The following EHMT1 variants were observed in gnomAD, a reference collection of about 807,000 sequenced individuals.
EHMT1 encodes the protein euchromatic histone lysine methyltransferase 1.
In EHMT1, 15 loss-of-function variants were observed where a neutral mutation model predicts 147.2. That is an observed-to-expected ratio of 0.10 (90% CI 0.07 to 0.16). The LOEUF (loss-of-function observed/expected upper bound fraction) is 0.16. Among genes scored for constraint, EHMT1 ranks in the 10% least tolerant of loss-of-function variants. EHMT1 has a pLI of 1.00. For synonymous variants in EHMT1, 795 were observed against 709.6 expected (o/e 1.12, Z -1.91); for missense variants, 1,587 against 1,772.4 (o/e 0.90, Z 1.88).
chr9:137,741,837 A>G (rs1948111357), intron 4 of EHMT1, among the ~76,000 whole-genome samples: 1 of 152,208 alleles, frequency 6.6e-6, no homozygotes, highest in South Asian at 2.1e-4. Flanking sequence ...ATTAAAATCC[A>G]TGTTCAAAAG....
intron 4 of EHMT1, among the ~76,000 whole-genome samples, chr9:137,733,181 C>T (rs1249762357): frequency 6.6e-6 from 1 of 152,206 alleles, no homozygotes; most frequent in African/African-American, 2.4e-5. Context: ...TGAGAACATG[C>T]GTTTATGTGA....
At chr9:137,704,447 A>G (rs1944085048) in intron 1 of EHMT1, among the ~76,000 whole-genome samples, 1 of 152,186 alleles carries the variant, frequency 6.6e-6, no homozygotes, top group African/African-American at 2.4e-5. Flanking sequence ...ATTTTAAGAA[A>G]CATGGACATT....
chr9:137,740,019 C>G (rs576317889), intron 4 of EHMT1, among the ~76,000 whole-genome samples: 1 of 152,162 alleles, frequency 6.6e-6, no homozygotes, highest in Non-Finnish European at 1.5e-5. Flanking sequence ...GTGGTGACCA[C>G]GCAGACTGCT....
At chr9:137,804,940 C>T (rs754785010) in intron 18 of EHMT1, among the ~76,000 whole-genome samples, 22 of 152,074 alleles carry the variant, frequency 1.4e-4, no homozygotes, top group Non-Finnish European at 2.9e-4. Context: ...GCATGTCTGT[C>T]AGTCATCCAT....
At chr9:137,670,113 G>A (rs1019178332) in intron 1 of EHMT1, among the ~76,000 whole-genome samples, 1 of 152,182 alleles carries the variant, frequency 6.6e-6, no homozygotes. Context: ...GCCTGCCTCA[G>A]CCTCCCAAAG....
At chr9:137,765,842 G>A (rs975016210) in intron 10 of EHMT1, among the ~76,000 whole-genome samples, 3 of 151,940 alleles carry the variant, frequency 2.0e-5, no homozygotes, top group African/African-American at 7.3e-5. Context: ...TATTGTTCTC[G>A]GTCCCTTCTT....
intron 17 of EHMT1, among the ~76,000 whole-genome samples, chr9:137,800,134 G>T (rs754743642): frequency 2.6e-5 from 4 of 152,260 alleles, no homozygotes; most frequent in Non-Finnish European, 5.9e-5. Context: ...GGGATGTGCA[G>T]GTCCTTTGAC....
rs572383601 is a variant in EHMT1 at position 137,777,192 on chromosome 9, T to C, written c.2018+348T>C. The C allele has an allele frequency of 8.5e-5, 27 of 316,326 alleles. No individual in the cohort carries two copies. In the East Asian group the frequency reaches 2.1e-3, roughly 24 times the overall value. 19.6% of individuals were successfully genotyped at this position (316,326 alleles called of 1,614,324 possible). Reference sequence around the variant, plus strand: ...TGCAGTCTGTGACCGAGTTCTGTGGTATTAAGGTTTGAAGGCCTTAGCTGA... The same window carrying C: ...TGCAGTCTGTGACCGAGTTCTGTGGCATTAAGGTTTGAAGGCCTTAGCTGA... On this transcript the variant is annotated intron_variant, in intron 12 of 26. Coordinates refer to ENST00000460843, the MANE Select transcript of EHMT1 (RefSeq NM_024757.5).
Position 137,775,307 on chromosome 9 carries a change from A to G in EHMT1, c.1791+55A>G. ...CCTCCGCAGGCTTTGCTGTCTGCTC[A>G]CTGGTGCTGGTTCCTGTCCTGTGTC... On this transcript the variant is annotated intron_variant, in intron 11 of 26. Transcript: ENST00000460843. This position sits in a 1 kb window ranked among gnomAD's most constrained non-coding sequence, Gnocchi z 6.1. 1 of 1,594,780 alleles carries G rather than the reference A, an allele frequency of 6.3e-7. No homozygotes were observed. Among genetic ancestry groups the G allele is most frequent in the African/African-American group, 1.3e-5 (1 of 74,844 alleles).
chr9:137,711,094 T>C, intron 2 of EHMT1, 64 bp downstream of exon 2: 2 of 1,498,890 alleles, frequency 1.3e-6, no homozygotes, highest in Non-Finnish European at 9.0e-7. Context: ...AACCTGCTGC[T>C]CTTCCTCTCT....
chr9:137,794,041 T>G (rs902188572), intron 16 of EHMT1, among the ~76,000 whole-genome samples: 9 of 152,234 alleles, frequency 5.9e-5, no homozygotes, highest in Non-Finnish European at 1.2e-4. Flanking sequence ...ATTTAAATTC[T>G]TAGTCTTTCA....
chr9:137,672,562 C>T (rs1274226768), intron 1 of EHMT1, among the ~76,000 whole-genome samples: 1 of 152,210 alleles, frequency 6.6e-6, no homozygotes, highest in African/African-American at 2.4e-5. Flanking sequence ...TAGAGTGTGA[C>T]GTGGTCTTGA....
Position 137,786,227 on chromosome 9 carries a change from T to G in EHMT1, c.2382+3830T>G, listed in dbSNP as rs962350705. The G allele has an allele frequency of 6.6e-6, 1 of 152,284 alleles. No homozygotes were observed. The highest frequency in any genetic ancestry group is 1.5e-5 in the Non-Finnish European group (1 of 68,060). The allele number at this position is 152,284 out of a possible 1,614,324, so 9.4% of individuals were successfully genotyped here. A position where few individuals can be genotyped will look rare whatever the true frequency, so the allele number is the denominator to read the frequency against. ...TGCTGTCCATGCAGTGCCCGGGGTCTGACCAGTCTGGAACTTCGGGTTAAA... is the reference window on the plus strand; with the variant it reads ...TGCTGTCCATGCAGTGCCCGGGGTCGGACCAGTCTGGAACTTCGGGTTAAA... On this transcript the variant is annotated intron_variant, in intron 15 of 26. Transcript: ENST00000460843. This position sits in a 1 kb window ranked among gnomAD's most constrained non-coding sequence, Gnocchi z 4.3.
chr9:137,671,369 C>T (rs1025231389), intron 1 of EHMT1, among the ~76,000 whole-genome samples: 2 of 151,852 alleles, frequency 1.3e-5, no homozygotes, highest in African/African-American at 4.8e-5. Flanking sequence ...TTAATGGAAA[C>T]CCTCATTTAT....
chr9:137,753,012 C>T (rs916156308), intron 7 of EHMT1, among the ~76,000 whole-genome samples: 13 of 152,082 alleles, frequency 8.5e-5, no homozygotes, highest in African/African-American at 3.1e-4. Flanking sequence ...GAATTGTGCA[C>T]CCTGGTCTGC....
At chr9:137,768,554 T>A (rs1774568050) in intron 10 of EHMT1, among the ~76,000 whole-genome samples, 7 of 93,196 alleles carry the variant, frequency 7.5e-5, no homozygotes, top group Non-Finnish European at 2.0e-5. Flanking sequence ...TTTTTTTTTT[T>A]TTTTTTTTTT....
intron 9 of EHMT1, among the ~76,000 whole-genome samples, chr9:137,762,039 G>C (rs1211080792): frequency 6.6e-6 from 1 of 152,240 alleles, no homozygotes; most frequent in Non-Finnish European, 1.5e-5. Flanking sequence ...GCTGGGACGG[G>C]CCCAAGGCCG....
At chr9:137,682,698 C>T (rs1357986479) in intron 1 of EHMT1, among the ~76,000 whole-genome samples, 1 of 152,208 alleles carries the variant, frequency 6.6e-6, no homozygotes, top group African/African-American at 2.4e-5. Context: ...GCCGCCTTCC[C>T]CGTGGGCGGT....
intron 25 of EHMT1, among the ~76,000 whole-genome samples, chr9:137,823,334 G>C (rs1955579855): frequency 1.3e-5 from 2 of 150,866 alleles, no homozygotes; most frequent in East Asian, 2.0e-4. Context: ...TCCTGACCTT[G>C]TGATCTGCCC....
Sources: gnomAD v4.1 joint callset for allele counts (sites outside exome capture counted in the v4.1 genomes callset) on GRCh38, gnomAD v4.1.1 for gene constraint, Gnocchi (gnomAD v3.1) non-coding constraint, MANE v1.5 for transcripts, NCBI Gene and HGNC (gene_info 2026-07-23, HGNC 2026-07-21) for gene names.